TASP1: variants seen among roughly 807,000 people sequenced by gnomAD.
TASP1 encodes taspase 1.
Under a neutral mutation model 56.6 loss-of-function variants are expected in TASP1, and 16 were observed. The observed-to-expected ratio is 0.28, with a 90% confidence interval of 0.19 to 0.43. The LOEUF is 0.43. Among genes scored for constraint, TASP1 ranks in the 20% least tolerant of loss-of-function variants. The pLI is 1.00. For missense variants in TASP1, 393 were observed against 511.6 expected (o/e 0.77, Z 2.24); for synonymous variants, 179 against 184.2 (o/e 0.97, Z 0.23).
intron 13 of TASP1, among the ~76,000 whole-genome samples, chr20:13,413,199 G>A (rs956826770): frequency 4.6e-5 from 7 of 152,264 alleles, no homozygotes; most frequent in African/African-American, 1.7e-4. Flanking sequence ...AATAGAAAAT[G>A]TTAAAAACAA....
chr20:13,134,526 T>C, the TASP1 span, among the ~76,000 whole-genome samples: 1 of 152,062 alleles, frequency 6.6e-6, no homozygotes, highest in Non-Finnish European at 1.5e-5. Context: ...ACAGCAGTGG[T>C]TCTCAAAGAG....
intron 6 of TASP1, among the ~76,000 whole-genome samples, chr20:13,571,819 T>C (rs1192898242): frequency 1.3e-5 from 2 of 152,188 alleles, no homozygotes; most frequent in African/African-American, 2.4e-5. Context: ...TCTTACCTCC[T>C]TGTGTACTCT....
chr20:13,165,552 T>A, the TASP1 span: 3 of 152,238 alleles, frequency 2.0e-5, no homozygotes, highest in Non-Finnish European at 2.9e-5. Flanking sequence ...CTTTTGAGGT[T>A]TGGAAAATTC....
chr20:13,256,052 G>A, the TASP1 span, among the ~76,000 whole-genome samples: 1 of 151,986 alleles, frequency 6.6e-6, no homozygotes, highest in African/African-American at 2.4e-5. Context: ...CAGGCTGGGA[G>A]TTCGAAACCC....
the TASP1 span, among the ~76,000 whole-genome samples, chr20:13,373,041 A>G: frequency 2.0e-4 from 30 of 152,262 alleles, 2 homozygotes; most frequent in African/African-American, 7.0e-4. Context: ...GAGAGATAAC[A>G]AAGAAGAGTA....
At chr20:13,605,717 TATAC>T (rs910154348) in intron 4 of TASP1, among the ~76,000 whole-genome samples, 6 of 152,016 alleles carry the variant, frequency 3.9e-5, no homozygotes, top group African/African-American at 1.2e-4. Flanking sequence ...TTTAAAATAA[TATAC>T]ATAAACTTTT....
the TASP1 span, among the ~76,000 whole-genome samples, chr20:13,151,418 C>G: frequency 7.2e-5 from 11 of 152,264 alleles, no homozygotes; most frequent in Admixed American, 2.0e-4. Flanking sequence ...TGTCTGTGGT[C>G]AGGATAGAGG....
At chr20:13,501,027 A>C (rs1404494278) in intron 10 of TASP1, among the ~76,000 whole-genome samples, 1 of 152,076 alleles carries the variant, frequency 6.6e-6, no homozygotes, top group African/African-American at 2.4e-5. Context: ...CACTACAGAT[A>C]CTTCTCACCA....
intron 4 of TASP1, among the ~76,000 whole-genome samples, chr20:13,604,987 CATATAT>C (rs3042652): frequency 0.062 from 8,655 of 140,458 alleles, 315 homozygotes; most frequent in African/African-American, 0.094. Context: ...AGACATAATA[CATATAT>C]ATATATATAT....
At chr20:13,266,707 A>G in the TASP1 span, among the ~76,000 whole-genome samples, 2 of 152,246 alleles carry the variant, frequency 1.3e-5, no homozygotes, top group African/African-American at 4.8e-5. Context: ...AAGAATGGTC[A>G]TGATGCTTTC....
Position 13,390,338 on chromosome 20 carries a change from G to A in TASP1, c.*22C>T, listed in dbSNP as rs771566731. The A allele has an allele frequency of 7.5e-6, 12 of 1,607,542 alleles. No homozygotes were observed. The highest frequency in any genetic ancestry group is 2.2e-5 in the East Asian group (1 of 44,768). ...TCAGGTTCTGAAATGCCTCTGAGACGCTTCACACTCAGCCTGAAGGGTCAG... is the reference window on the plus strand; with the variant it reads ...TCAGGTTCTGAAATGCCTCTGAGACACTTCACACTCAGCCTGAAGGGTCAG... On this transcript the variant is annotated 3_prime_UTR_variant, in exon 14 of 14. Coordinates refer to ENST00000337743, the MANE Select transcript of TASP1 (RefSeq NM_017714.3).
Position 13,582,101 on chromosome 20 carries a change from T to C in TASP1, c.404-1120A>G, listed in dbSNP as rs540321025. Among the ~76,000 whole-genome samples, 21 of 137,268 alleles carry C rather than the reference T, an allele frequency of 1.5e-4. No homozygotes were observed. In the South Asian group the frequency reaches 4.8e-3, roughly 31 times the overall value. 90.1% of individuals were successfully genotyped at this position (137,268 alleles called of 152,430 possible). On this transcript the variant is annotated intron_variant, in intron 5 of 13. Coordinates refer to ENST00000337743, the MANE Select transcript of TASP1 (RefSeq NM_017714.3). ...AGAAATGTAGCTCAATACCAAATCT[T>C]CCACAAAAAAAGTATGAAATACAAA...
chr20:13,602,608 G>A (rs948612894), intron 4 of TASP1, among the ~76,000 whole-genome samples: 1 of 152,138 alleles, frequency 6.6e-6, no homozygotes, highest in Non-Finnish European at 1.5e-5. Flanking sequence ...CATGGATGGG[G>A]TGGGGAATGG....
the TASP1 span, among the ~76,000 whole-genome samples, chr20:13,146,425 A>G: frequency 6.6e-6 from 1 of 152,160 alleles, no homozygotes; most frequent in Admixed American, 6.5e-5. Context: ...GAAACCTAAA[A>G]TTAAAATTAA....
the TASP1 span, among the ~76,000 whole-genome samples, chr20:13,367,342 C>T: frequency 6.6e-6 from 1 of 152,144 alleles, no homozygotes; most frequent in African/African-American, 2.4e-5. Context: ...GTATAACATG[C>T]CTTGAACTTT....
chr20:13,153,906 C>A, the TASP1 span: 1 of 1,495,948 alleles, frequency 6.7e-7, no homozygotes, highest in East Asian at 2.3e-5. Flanking sequence ...GTGCTGCTGG[C>A]CTGCAGAAAG....
intron 9 of TASP1, 79 bp downstream of exon 9, chr20:13,533,943 C>T: frequency 6.8e-7 from 1 of 1,474,414 alleles, no homozygotes; most frequent in African/African-American, 1.4e-5. Context: ...AAAAATGTTC[C>T]CACTGGTTAA....
chr20:13,362,835 A>ATATATATATATATATATT, the TASP1 span, among the ~76,000 whole-genome samples: 2 of 133,386 alleles, frequency 1.5e-5, no homozygotes, highest in Non-Finnish European at 3.2e-5. Context: ...ATATATATAT[A>ATATATATATATATATATT]TATTTGTCTC....
At chr20:13,215,889 G>A in the TASP1 span, among the ~76,000 whole-genome samples, 1 of 152,158 alleles carries the variant, frequency 6.6e-6, no homozygotes, top group Non-Finnish European at 1.5e-5. Context: ...TGGAGACCCT[G>A]GGAGCACCTC....
Sources: gnomAD v4.1 joint callset for allele counts (sites outside exome capture counted in the v4.1 genomes callset) on GRCh38, gnomAD v4.1.1 for gene constraint, MANE v1.5 for transcripts, NCBI Gene and HGNC (gene_info 2026-07-23, HGNC 2026-07-21) for gene names.